Variants in NEXMIF observed in about 807,000 individuals in gnomAD.
The protein encoded by NEXMIF is XLMR protein related to neurite extension.
Under a neutral mutation model 62.1 loss-of-function variants are expected in NEXMIF, and 8 were observed. The ratio of observed to expected loss-of-function variants is 0.13; its 90% CI spans 0.08 to 0.23. The LOEUF (loss-of-function observed/expected upper bound fraction) is 0.23. Among genes scored for constraint, NEXMIF ranks in the 10% least tolerant of loss-of-function variants. The pLI is 1.00. For missense variants in NEXMIF, 976 were observed against 1,113.3 expected (o/e 0.88, Z 1.75); for synonymous variants, 404 against 416.6 (o/e 0.97, Z 0.37).
At chrX:74,891,505 GT>G (rs1179938555) in intron 1 of NEXMIF, among the ~76,000 whole-genome samples, 2 of 111,828 alleles carry the variant, frequency 1.8e-5, no homozygotes, top group African/African-American at 6.5e-5. Context: ...GTTGCTTCTG[GT>G]AATCTTCCAG....
intron 1 of NEXMIF, among the ~76,000 whole-genome samples, chrX:74,883,031 A>G (rs1436370804): frequency 1.8e-5 from 2 of 111,893 alleles, no homozygotes; most frequent in Non-Finnish European, 3.8e-5. Flanking sequence ...TACCTAGGCA[A>G]ACAGGGTCTG....
At chrX:74,820,330 T>TATAATAATAATA (rs759039271) in intron 1 of NEXMIF, among the ~76,000 whole-genome samples, 19 of 108,271 alleles carry the variant, frequency 1.8e-4, no homozygotes, top group African/African-American at 6.4e-4. Flanking sequence ...GAACTTAAAG[T>TATAATAATAATA]ATAATAATAA....
intron 1 of NEXMIF, among the ~76,000 whole-genome samples, chrX:74,885,643 T>A (rs1490919264): frequency 1.8e-5 from 2 of 111,179 alleles, no homozygotes; most frequent in Non-Finnish European, 3.8e-5. Flanking sequence ...TCTGAAATTG[T>A]GGCAATAATT....
chrX:74,855,198 A>G (rs910788575), intron 1 of NEXMIF, among the ~76,000 whole-genome samples: 13 of 112,132 alleles, frequency 1.2e-4, no homozygotes, highest in African/African-American at 4.2e-4. Flanking sequence ...AAACAGCATG[A>G]TATTGGTATA....
chrX:74,912,354 C>T (rs2080793240), intron 1 of NEXMIF, among the ~76,000 whole-genome samples: 1 of 111,801 alleles, frequency 8.9e-6, no homozygotes, highest in African/African-American at 3.3e-5. Context: ...ATGGTTACCT[C>T]AGTCATGGAG....
At chrX:74,874,139 G>A (rs759418533) in intron 1 of NEXMIF, among the ~76,000 whole-genome samples, 1 of 108,451 alleles carries the variant, frequency 9.2e-6, no homozygotes, top group Non-Finnish European at 1.9e-5. Flanking sequence ...TAACGTTTAA[G>A]TCTTTAATCC....
chrX:74,783,307 T>C (rs926107832), intron 1 of NEXMIF, among the ~76,000 whole-genome samples: 3 of 111,809 alleles, frequency 2.7e-5, no homozygotes, highest in African/African-American at 9.7e-5. Context: ...GGGTGAAATG[T>C]AGGAGCTGTT....
chrX:74,910,725 G>A (rs1358675774), intron 1 of NEXMIF, among the ~76,000 whole-genome samples: 1 of 111,647 alleles, frequency 9.0e-6, no homozygotes, highest in East Asian at 2.8e-4. Flanking sequence ...CTCATGCTGT[G>A]GGAGGGACCT....
chrX:74,834,630 C>T (rs1435227694), intron 1 of NEXMIF, among the ~76,000 whole-genome samples: 1 of 111,955 alleles, frequency 8.9e-6, no homozygotes, highest in African/African-American at 3.2e-5. Context: ...ATGCCACTCT[C>T]TCCTGGCCTG....
chrX:74,771,624 G>A (rs964119060), intron 1 of NEXMIF, among the ~76,000 whole-genome samples: 10 of 110,840 alleles, frequency 9.0e-5, no homozygotes, highest in Non-Finnish European at 1.9e-5. Flanking sequence ...GGGAGAAAGG[G>A]AAATTAATCA....
intron 1 of NEXMIF, among the ~76,000 whole-genome samples, chrX:74,855,697 G>A (rs910809050): frequency 8.9e-6 from 1 of 111,977 alleles, no homozygotes; most frequent in African/African-American, 3.2e-5. Flanking sequence ...CTAAGGCAAA[G>A]CTGTCAACTA....
chrX:74,807,445 T>C (rs981629722), intron 1 of NEXMIF, among the ~76,000 whole-genome samples: 4 of 110,878 alleles, frequency 3.6e-5, no homozygotes, highest in African/African-American at 1.3e-4. Flanking sequence ...GCTGGGACTA[T>C]AGGCATATGC....
chrX:74,877,765 T>C (rs991053469), intron 1 of NEXMIF, among the ~76,000 whole-genome samples: 1 of 112,238 alleles, frequency 8.9e-6, no homozygotes, highest in African/African-American at 3.2e-5. Flanking sequence ...TGATACCGTT[T>C]CTTGCAGTTG....
intron 1 of NEXMIF, among the ~76,000 whole-genome samples, chrX:74,787,733 T>C (rs1186510343): frequency 8.9e-6 from 1 of 111,880 alleles, no homozygotes; most frequent in Non-Finnish European, 1.9e-5. Context: ...GCTTACCTCT[T>C]TGGGCGAGAG....
chrX:74,831,878 G>A (rs1311649923), intron 1 of NEXMIF, among the ~76,000 whole-genome samples: 2 of 111,592 alleles, frequency 1.8e-5, no homozygotes, highest in Admixed American at 9.5e-5. Context: ...ATGATCACAC[G>A]GTTTTTGTGC....
chrX:74,914,507 A>G (rs1407202740), intron 1 of NEXMIF, among the ~76,000 whole-genome samples: 3 of 111,080 alleles, frequency 2.7e-5, no homozygotes, highest in Admixed American at 1.9e-4. Flanking sequence ...ACCTATCCCT[A>G]CTAAAAATAC....
chrX:74,877,761 C>T (rs1379315538), intron 1 of NEXMIF, among the ~76,000 whole-genome samples: 1 of 111,834 alleles, frequency 8.9e-6, no homozygotes, highest in African/African-American at 3.3e-5. Context: ...TCACTGATAC[C>T]GTTTCTTGCA....
chrX:74,886,313 A>G (rs2080692945), intron 1 of NEXMIF, among the ~76,000 whole-genome samples: 1 of 111,738 alleles, frequency 8.9e-6, no homozygotes, highest in Non-Finnish European at 1.9e-5. Flanking sequence ...ATGAGGCAGG[A>G]GAAGGAAATA....
intron 1 of NEXMIF, among the ~76,000 whole-genome samples, chrX:74,853,402 T>C (rs142571457): frequency 0.012 from 1,309 of 107,730 alleles, 20 homozygotes; most frequent in African/African-American, 0.041. Context: ...GTGGAGGCCA[T>C]GATGCCTGTA....
Sources: allele counts gnomAD v4.1 joint callset (sites outside exome capture counted in the v4.1 genomes callset), GRCh38; gene constraint gnomAD v4.1.1; transcripts MANE v1.5; gene names NCBI Gene and HGNC (gene_info 2026-07-23, HGNC 2026-07-21).